SV2B: variants seen among roughly 807,000 people sequenced by gnomAD.
SV2B encodes solute carrier family 22 member B2.
In SV2B, 41 loss-of-function variants were observed where a neutral mutation model predicts 73.9. The observed-to-expected ratio is 0.56, with a 90% CI of 0.43 to 0.72. The LOEUF (loss-of-function observed/expected upper bound fraction) is 0.72. Ranked by LOEUF, SV2B falls within the 30% of genes least tolerant of loss-of-function variation. The pLI, the probability that SV2B is intolerant of heterozygous loss-of-function variation, is 0.00. For missense variants in SV2B, 764 were observed against 857.8 expected (o/e 0.89, Z 1.37); for synonymous variants, 314 against 314.2 (o/e 1.00, Z 0.01).
intron 1 of SV2B, among the ~76,000 whole-genome samples, chr15:91,219,463 T>G (rs2046144278): frequency 6.6e-6 from 1 of 152,076 alleles, no homozygotes; most frequent in Non-Finnish European, 1.5e-5. Flanking sequence ...CTGGGATGAA[T>G]GGAGCTTAGA....
chr15:91,258,343 G>T lies in SV2B; in HGVS notation c.785-78G>T, dbSNP rs2047775894. Reference sequence around the variant, plus strand: ...CTCTCTTGTGCCCTGAAGTTTGTGAGCCAGGGCTTCAGAGTCACTCTTCCG... The same window carrying T: ...CTCTCTTGTGCCCTGAAGTTTGTGATCCAGGGCTTCAGAGTCACTCTTCCG... On this transcript the variant is annotated intron_variant, in intron 4 of 12. Coordinates refer to ENST00000394232, the MANE Select transcript of SV2B (RefSeq NM_001323032.3). The surrounding 1 kb of genome is among the most constrained non-coding windows in gnomAD (Gnocchi z 4.7). 2 of 1,567,874 alleles carry T rather than the reference G, an allele frequency of 1.3e-6. No homozygotes were observed. The highest frequency in any genetic ancestry group is 1.7e-6 in the Non-Finnish European group (2 of 1,156,400).
At chr15:91,179,143 G>T (rs1157075731) in intron 1 of SV2B, among the ~76,000 whole-genome samples, 1 of 151,950 alleles carries the variant, frequency 6.6e-6, no homozygotes, top group Non-Finnish European at 1.5e-5. Context: ...CCTTCATTTT[G>T]TTATGTACCC....
intron 1 of SV2B, among the ~76,000 whole-genome samples, chr15:91,108,886 G>C (rs975619710): frequency 6.6e-6 from 1 of 152,206 alleles, no homozygotes; most frequent in African/African-American, 2.4e-5. Flanking sequence ...CTCCCACACA[G>C]AAGCCTGTGG....
At position 91,258,468 on chromosome 15, in the gene SV2B, G is replaced by A; in HGVS notation, c.832G>A (p.Val278Met). 6.2e-7 allele frequency: 1 copy of A among 1,614,156 alleles called. No individual in the cohort carries two copies. The highest frequency in any genetic ancestry group is 8.5e-7 in the Non-Finnish European group (1 of 1,180,012). ...CAATTACCACTTCCATAGCTGGAGA[G>A]TGTTTGTCATCGTCTGTGCTCTGCC... ...GTNYHFHSWR[V>M]FVIVCALPCT... Residue 278 changes from valine to methionine, a missense_variant, in exon 5 of 13, where the codon GTG (valine) becomes ATG (methionine). Val to Met is a conservative substitution (Grantham distance 21). Coordinates refer to ENST00000394232, the MANE Select transcript of SV2B (RefSeq NM_001323032.3). The surrounding 1 kb of genome is among the most constrained non-coding windows in gnomAD (Gnocchi z 4.7).
At chr15:91,119,785 T>C (rs1017256160) in intron 1 of SV2B, among the ~76,000 whole-genome samples, 10 of 152,250 alleles carry the variant, frequency 6.6e-5, no homozygotes, top group African/African-American at 2.4e-4. Flanking sequence ...TAAAACATTG[T>C]CAATTTGTTA....
At position 91,301,917 on chromosome 15, in the gene SV2B, T is replaced by A. The variant is rs970071309; in HGVS notation, c.*9365T>A. On this transcript the variant is annotated 3_prime_UTR_variant, in exon 13 of 13. Coordinates refer to ENST00000394232, the MANE Select transcript of SV2B (RefSeq NM_001323032.3). The surrounding 1 kb of genome is among the most constrained non-coding windows in gnomAD (Gnocchi z 4.3). ...GGATTTGGATTTGGAATGCTCAACC[T>A]GTTTTCAGAGTCAGAGCCAAGTTCT... Among the ~76,000 whole-genome samples the A allele has an allele frequency of 2.6e-5, 4 of 152,232 alleles. No homozygotes were observed. Among genetic ancestry groups the A allele is most frequent in the Non-Finnish European group, 4.4e-5 (3 of 68,040 alleles).
At chr15:91,257,660 C>T (rs940903350) in intron 4 of SV2B, among the ~76,000 whole-genome samples, 1 of 152,208 alleles carries the variant, frequency 6.6e-6, no homozygotes, top group East Asian at 1.9e-4. Context: ...TCACCTGGAG[C>T]TGGCATTGCC....
At chr15:91,287,051 C>T (rs766402597) in intron 11 of SV2B, among the ~76,000 whole-genome samples, 20 of 152,210 alleles carry the variant, frequency 1.3e-4, no homozygotes, top group Non-Finnish European at 1.8e-4. Context: ...GTATTGTCCA[C>T]AGAGCACTTG....
At chr15:91,104,112 C>G (rs888368507) in intron 1 of SV2B, among the ~76,000 whole-genome samples, 2 of 152,238 alleles carry the variant, frequency 1.3e-5, no homozygotes, top group South Asian at 4.1e-4. Flanking sequence ...AACGGGACTA[C>G]AGACCAAACC....
rs1250629973 is a variant in SV2B, at chr15:91,223,149, G to T, written c.-391-2724G>T. Among the ~76,000 whole-genome samples, 1 of 152,120 alleles carries T rather than the reference G, an allele frequency of 6.6e-6. No individual in the cohort carries two copies. The highest frequency in any genetic ancestry group is 1.9e-4 in the East Asian group (1 of 5,180). Reference sequence around the variant, plus strand: ...AGCGTGTCTGTCTCTGTGTCCTTTTGTGAAGACACCAGTCATATTGGATTA... The same window carrying T: ...AGCGTGTCTGTCTCTGTGTCCTTTTTTGAAGACACCAGTCATATTGGATTA... On this transcript the variant is annotated intron_variant, in intron 1 of 12. Coordinates refer to ENST00000394232, the MANE Select transcript of SV2B (RefSeq NM_001323032.3). This position sits in a 1 kb window ranked among gnomAD's most constrained non-coding sequence, Gnocchi z 4.6.
At chr15:91,230,880 T>A (rs1293404227) in intron 2 of SV2B, among the ~76,000 whole-genome samples, 1 of 152,180 alleles carries the variant, frequency 6.6e-6, no homozygotes, top group Non-Finnish European at 1.5e-5. Context: ...GCCTTATCAC[T>A]TTTATTCAGA....
intron 2 of SV2B, among the ~76,000 whole-genome samples, chr15:91,237,744 A>G (rs2046845799): frequency 6.6e-6 from 1 of 151,726 alleles, no homozygotes; most frequent in South Asian, 2.1e-4. Context: ...ATCGAGCTGT[A>G]TTAAAAAGTA....
chr15:91,121,210 G>A lies in SV2B; in HGVS notation c.-392+20847G>A, dbSNP rs1185830019. ...AAGTTTAGTGAGCACCGCTGATTTC[G>A]AGTCAAAGTTTTCTTCACCTCAGGC... is the stretch of plus-strand genomic sequence containing the variant. On this transcript the variant is annotated intron_variant, in intron 1 of 12. Coordinates refer to ENST00000394232, the MANE Select transcript of SV2B (RefSeq NM_001323032.3). This position sits in a 1 kb window ranked among gnomAD's most constrained non-coding sequence, Gnocchi z 4.4. Among the ~76,000 whole-genome samples, 3 of 152,006 alleles carry A rather than the reference G, an allele frequency of 2.0e-5. No individual in the cohort carries two copies. The highest frequency in any genetic ancestry group is 2.9e-5 in the Non-Finnish European group (2 of 68,016).
rs2048063664 is a variant in SV2B, at chr15:91,265,366, A to G, written c.1009-1216A>G. Among the ~76,000 whole-genome samples the G allele has an allele frequency of 6.6e-6, 1 of 152,218 alleles. No homozygotes were observed. The highest frequency in any genetic ancestry group is 1.5e-5 in the Non-Finnish European group (1 of 68,042). On this transcript the variant is annotated intron_variant, in intron 6 of 12. Coordinates refer to ENST00000394232, the MANE Select transcript of SV2B (RefSeq NM_001323032.3). The surrounding 1 kb of genome is among the most constrained non-coding windows in gnomAD (Gnocchi z 4.2). ...GAACACAGGCCATATTCTAATTTAG[A>G]CTGAATCATAGACAATTGTTCTAAT...
At chr15:91,107,501 C>T (rs1046895614) in intron 1 of SV2B, among the ~76,000 whole-genome samples, 8 of 151,838 alleles carry the variant, frequency 5.3e-5, no homozygotes, top group East Asian at 1.9e-4. Flanking sequence ...TTAGTAGAGA[C>T]GGGGTTTTAC....
chr15:91,116,455 A>C (rs2042180703), intron 1 of SV2B, among the ~76,000 whole-genome samples: 1 of 152,208 alleles, frequency 6.6e-6, no homozygotes, highest in South Asian at 2.1e-4. Flanking sequence ...TTGCTTAGAG[A>C]GAATAAAAAT....
At chr15:91,164,451 T>C (rs1329960470) in intron 1 of SV2B, among the ~76,000 whole-genome samples, 1 of 152,182 alleles carries the variant, frequency 6.6e-6, no homozygotes, top group Non-Finnish European at 1.5e-5. Flanking sequence ...GTCAAATCCT[T>C]CTTATGCTTT....
rs1297786521 is a variant in SV2B at position 91,280,042 on chromosome 15, A to G, written c.1374-1686A>G. On this transcript the variant is annotated intron_variant, in intron 9 of 12. Coordinates refer to ENST00000394232, the MANE Select transcript of SV2B (RefSeq NM_001323032.3). The surrounding 1 kb of genome is among the most constrained non-coding windows in gnomAD (Gnocchi z 5.8). ...AATAATCTGGTCTCTGCCATTGGTG[A>G]TTCTGGTTCAAGAGGTGTAGGCTGG... Among the ~76,000 whole-genome samples the G allele has an allele frequency of 3.3e-5, 5 of 152,194 alleles. No homozygotes were observed. Among genetic ancestry groups the G allele is most frequent in the Non-Finnish European group, 7.3e-5 (5 of 68,038 alleles).
rs1487701049 is a variant in SV2B at position 91,242,874 on chromosome 15, G to T, written c.452-8945G>T. 1.3e-5 allele frequency among the ~76,000 whole-genome samples: 2 copies of T among 152,190 alleles called. No homozygotes were observed. Among genetic ancestry groups the T allele is most frequent in the East Asian group, 3.8e-4 (2 of 5,202 alleles). ...GGCTAGTAGTGTTTTAAAACTCAGA[G>T]ATTTTATTTAGCAATCTAGATTTCT... On this transcript the variant is annotated intron_variant, in intron 2 of 12. Coordinates refer to ENST00000394232, the MANE Select transcript of SV2B (RefSeq NM_001323032.3). This position sits in a 1 kb window ranked among gnomAD's most constrained non-coding sequence, Gnocchi z 4.9.
Sources: gnomAD v4.1 joint callset for allele counts (sites outside exome capture counted in the v4.1 genomes callset) on GRCh38, gnomAD v4.1.1 for gene constraint, Gnocchi (gnomAD v3.1) non-coding constraint, MANE v1.5 for transcripts, NCBI Gene and HGNC (gene_info 2026-07-23, HGNC 2026-07-21) for gene names.